Variants in PIP4P2 observed in about 807,000 individuals in gnomAD.
The protein encoded by PIP4P2 is type 2 phosphatidylinositol 4,5-bisphosphate 4-phosphatase.
In PIP4P2, 19 loss-of-function variants were observed where a neutral mutation model predicts 33.3. The ratio of observed to expected loss-of-function variants is 0.57; its 90% CI spans 0.40 to 0.84. The LOEUF (loss-of-function observed/expected upper bound fraction) is 0.84, where lower values mean the gene tolerates loss of function less well. PIP4P2 is among the 40% of genes least tolerant of loss of function. PIP4P2 has a pLI of 0.00. For synonymous variants in PIP4P2, 110 were observed against 111.9 expected, an observed-to-expected ratio of 0.98 and a Z score of 0.11; for missense variants, 270 against 324.7, an observed-to-expected ratio of 0.83 and a Z score of 1.29.
At position 90,994,540 on chromosome 8, in the gene PIP4P2, T is replaced by C. The variant is rs73299946; in HGVS notation, c.*1137A>G. On this transcript the variant is annotated 3_prime_UTR_variant, in exon 7 of 7. Transcript: ENST00000285419. ...GAACATTTGTGATTAAGCAATTTCT[T>C]TTTCAAAACTGCAAAGATGGGCAGT... 2 of 152,628 alleles carry C rather than the reference T, an allele frequency of 1.3e-5. No individual in the cohort carries two copies. The highest frequency in any genetic ancestry group is 4.8e-5 in the African/African-American group (2 of 41,538). The allele number at this position is 152,628 out of a possible 1,614,324, so 9.5% of individuals were successfully genotyped here.
intron 1 of PIP4P2, among the ~76,000 whole-genome samples, chr8:91,033,476 G>A (rs1347809901): frequency 6.6e-6 from 1 of 152,152 alleles, no homozygotes; most frequent in Non-Finnish European, 1.5e-5. Context: ...TCTGTCACCT[G>A]TACCCTGGTC....
intron 5 of PIP4P2, among the ~76,000 whole-genome samples, chr8:91,003,445 CTTGG>C (rs942753639): frequency 4.9e-4 from 75 of 152,020 alleles, no homozygotes; most frequent in African/African-American, 1.3e-3. Context: ...ACTAATATTT[CTTGG>C]TTGGTCAGTT....
At chr8:91,022,860 G>C (rs1375480839) in intron 1 of PIP4P2, among the ~76,000 whole-genome samples, 1 of 152,152 alleles carries the variant, frequency 6.6e-6, no homozygotes, top group Non-Finnish European at 1.5e-5. Context: ...GGCTCTGAAA[G>C]AGGCCACTTT....
At chr8:91,008,560 T>C (rs1049172990) in intron 5 of PIP4P2, among the ~76,000 whole-genome samples, 183 bp downstream of exon 5, 4 of 152,224 alleles carry the variant, frequency 2.6e-5, no homozygotes, top group African/African-American at 9.6e-5. Context: ...CTAATCATTT[T>C]AATTTCAAAA....
intron 5 of PIP4P2, among the ~76,000 whole-genome samples, chr8:91,003,230 G>C (rs1205458335): frequency 1.3e-5 from 2 of 152,234 alleles, no homozygotes; most frequent in East Asian, 3.9e-4. Context: ...ATGCATTTAG[G>C]AACTACCACT....
intron 1 of PIP4P2, among the ~76,000 whole-genome samples, chr8:91,028,465 C>T (rs982935494): frequency 6.6e-6 from 1 of 152,152 alleles, no homozygotes; most frequent in African/African-American, 2.4e-5. Flanking sequence ...AGTGCTAATT[C>T]CAGAGGGACT....
At chr8:90,998,274 G>A (rs891734293) in intron 5 of PIP4P2, among the ~76,000 whole-genome samples, 4 of 151,930 alleles carry the variant, frequency 2.6e-5, no homozygotes, top group African/African-American at 9.7e-5. Flanking sequence ...ATATTAGAGC[G>A]GCTTTTCTGT....
At chr8:91,026,843 G>C (rs1812089373) in intron 1 of PIP4P2, among the ~76,000 whole-genome samples, 1 of 152,116 alleles carries the variant, frequency 6.6e-6, no homozygotes, top group South Asian at 2.1e-4. Flanking sequence ...GACACATGGT[G>C]CCATCCTGAT....
At chr8:91,007,471 G>A (rs1248966105) in intron 5 of PIP4P2, among the ~76,000 whole-genome samples, 1 of 151,982 alleles carries the variant, frequency 6.6e-6, no homozygotes, top group Non-Finnish European at 1.5e-5. Flanking sequence ...TCATACTAAG[G>A]ATCACACAAA....
intron 3 of PIP4P2, among the ~76,000 whole-genome samples, chr8:91,019,562 CT>C (rs1310607570): frequency 2.0e-5 from 3 of 147,584 alleles, no homozygotes; most frequent in African/African-American, 7.5e-5. Context: ...GAGACTCTGT[CT>C]CAAAAAAAAA....
chr8:91,008,571 TG>T (rs1230956511), intron 5 of PIP4P2, among the ~76,000 whole-genome samples, 171 bp downstream of exon 5: 2 of 152,204 alleles, frequency 1.3e-5, no homozygotes, highest in African/African-American at 2.4e-5. Context: ...AATTTCAAAA[TG>T]GGATATATTT....
At chr8:91,001,004 G>A (rs772967495) in intron 5 of PIP4P2, among the ~76,000 whole-genome samples, 2 of 151,758 alleles carry the variant, frequency 1.3e-5, no homozygotes, top group Non-Finnish European at 2.9e-5. Context: ...TCTTTAAACC[G>A]TACGTGCATT....
chr8:91,020,570 A>C (rs1050142344), intron 2 of PIP4P2, among the ~76,000 whole-genome samples: 1 of 152,202 alleles, frequency 6.6e-6, no homozygotes, highest in Non-Finnish European at 1.5e-5. Context: ...GTAATATATA[A>C]AGCCTAACTA....
intron 1 of PIP4P2, among the ~76,000 whole-genome samples, chr8:91,029,385 G>A (rs1812128207): frequency 6.6e-6 from 1 of 152,118 alleles, no homozygotes; most frequent in Non-Finnish European, 1.5e-5. Context: ...TTACAGCCAT[G>A]GAGTTCTTCC....
At chr8:91,009,190 T>G (rs1397800019) in intron 4 of PIP4P2, among the ~76,000 whole-genome samples, 1 of 152,120 alleles carries the variant, frequency 6.6e-6, no homozygotes, top group Non-Finnish European at 1.5e-5. Flanking sequence ...ATATTTAGAT[T>G]CATTACTAAA....
intron 4 of PIP4P2, chr8:91,016,696 C>T (rs911448203): frequency 6.6e-6 from 1 of 152,090 alleles, no homozygotes; most frequent in African/African-American, 2.4e-5. Flanking sequence ...AAGGAATAAA[C>T]TAAGAACTCT....
chr8:91,010,351 A>C (rs752460133), intron 4 of PIP4P2, among the ~76,000 whole-genome samples: 3 of 151,914 alleles, frequency 2.0e-5, no homozygotes, highest in Non-Finnish European at 4.4e-5. Context: ...GAAACCTTTG[A>C]GTCAAGAGTA....
rs143613686 is a variant in PIP4P2 at position 91,006,739 on chromosome 8, C to T, written c.539+2004G>A. 3.6e-3 allele frequency among the ~76,000 whole-genome samples: 551 copies of T among 152,260 alleles called. 5 individuals are homozygous for T. The highest frequency in any genetic ancestry group is 0.013 in the African/African-American group (527 of 41,554). ...TTCTCAGCACTTTGGGAGGCTGAGA[C>T]GGGTGAATCACCCGAGGTCAGGAGT... On this transcript the variant is annotated intron_variant, in intron 5 of 6. Coordinates refer to ENST00000285419, the MANE Select transcript of PIP4P2 (RefSeq NM_018710.3).
chr8:91,004,433 A>G lies in PIP4P2; in HGVS notation c.539+4310T>C, dbSNP rs142983946. On this transcript the variant is annotated intron_variant, in intron 5 of 6. Coordinates refer to ENST00000285419, the MANE Select transcript of PIP4P2 (RefSeq NM_018710.3). ...TAGAAACACCCTCTCACACATATCC[A>G]GAAGTAATGCTTTACCATTTCTTTA... 1.3e-3 allele frequency among the ~76,000 whole-genome samples: 192 copies of G among 152,246 alleles called. 1 individual carries two copies. The highest frequency in any genetic ancestry group is 4.0e-3 in the African/African-American group (168 of 41,544).
Sources: gnomAD v4.1 joint callset for allele counts (sites outside exome capture counted in the v4.1 genomes callset) on GRCh38, gnomAD v4.1.1 for gene constraint, MANE v1.5 for transcripts, NCBI Gene and HGNC (gene_info 2026-07-23, HGNC 2026-07-21) for gene names.